The following TBC1D1 variants were observed in gnomAD, a reference collection of about 807,000 sequenced individuals.
The protein encoded by TBC1D1 is TBC1 (tre-2/USP6, BUB2, cdc16) domain family, member 1.
Under a neutral mutation model 125.6 loss-of-function variants are expected in TBC1D1, and 89 were observed. The observed-to-expected ratio is 0.71, with a 90% CI of 0.60 to 0.85. The LOEUF is 0.85. TBC1D1 is among the 40% of genes least tolerant of loss of function. TBC1D1 has a pLI of 0.00. For synonymous variants in TBC1D1, 565 were observed against 564.1 expected (o/e 1.00, Z -0.02); for missense variants, 1,377 against 1,469.2 (o/e 0.94, Z 1.03).
intron 2 of TBC1D1, among the ~76,000 whole-genome samples, chr4:37,942,437 C>G (rs1186437296): frequency 6.6e-6 from 1 of 152,056 alleles, no homozygotes; most frequent in Non-Finnish European, 1.5e-5. Flanking sequence ...TAAGATGGGT[C>G]TCCCGAGTAC....
chr4:38,026,633 C>T (rs1452696581), intron 6 of TBC1D1, among the ~76,000 whole-genome samples: 2 of 152,202 alleles, frequency 1.3e-5, no homozygotes, highest in African/African-American at 4.8e-5. Flanking sequence ...AAAAATAACC[C>T]ATGCTTTTTT....
At chr4:37,912,868 C>T (rs1483907633) in intron 2 of TBC1D1, among the ~76,000 whole-genome samples, 1 of 152,132 alleles carries the variant, frequency 6.6e-6, no homozygotes, top group East Asian at 1.9e-4. Flanking sequence ...TTATAAATTA[C>T]CCAGTCTCAG....
chr4:38,069,976 C>T (rs572295416), intron 12 of TBC1D1, among the ~76,000 whole-genome samples: 7 of 152,254 alleles, frequency 4.6e-5, no homozygotes, highest in African/African-American at 9.6e-5. Flanking sequence ...AAAGATTGGC[C>T]ACCCCTGTCC....
intron 2 of TBC1D1, among the ~76,000 whole-genome samples, chr4:37,992,729 G>A (rs866658172): frequency 3.3e-5 from 5 of 151,520 alleles, no homozygotes; most frequent in Admixed American, 1.3e-4. Context: ...TCCTGACCTC[G>A]TGATCTGCCC....
intron 12 of TBC1D1, among the ~76,000 whole-genome samples, chr4:38,082,692 C>CA (rs1418432408): frequency 6.6e-6 from 1 of 152,226 alleles, no homozygotes; most frequent in Non-Finnish European, 1.5e-5. Flanking sequence ...AGCCGCCCAT[C>CA]ACTGGGGCTG....
chr4:38,080,073 T>C (rs1187335926), intron 12 of TBC1D1, among the ~76,000 whole-genome samples: 1 of 152,172 alleles, frequency 6.6e-6, no homozygotes, highest in Non-Finnish European at 1.5e-5. Context: ...TCCCAGGTGG[T>C]GTTGAGGCTG....
At position 38,089,986 on chromosome 4, in the gene TBC1D1, A is replaced by C; in HGVS notation, c.2105A>C (p.Glu702Ala). 6.2e-7 allele frequency: 1 copy of C among 1,613,870 alleles called. No individual in the cohort carries two copies. The highest frequency in any genetic ancestry group is 1.1e-5 in the South Asian group (1 of 91,040). ...CGATCTCCTTTAGAACCAGTTTGTGAAGATGGGCCCTTTGGCCCCCCACCA... is the reference window on the plus strand; with the variant it reads ...CGATCTCCTTTAGAACCAGTTTGTGCAGATGGGCCCTTTGGCCCCCCACCA... Residue 702 changes from glutamate to alanine, a missense_variant, in exon 13 of 20, where the codon GAA becomes GCA. Glu to Ala is a moderately radical substitution (Grantham distance 107, BLOSUM62 -1). Transcript: ENST00000261439.
intron 1 of TBC1D1, among the ~76,000 whole-genome samples, 161 bp from the exon 2 acceptor site, chr4:37,901,842 A>C (rs1002502068): frequency 2.0e-5 from 3 of 152,092 alleles, no homozygotes; most frequent in Admixed American, 6.5e-5. Context: ...TTTTATATGG[A>C]ATACAATTTT....
intron 2 of TBC1D1, chr4:37,961,155 T>A (rs2152332244): frequency 8.7e-7 from 1 of 1,143,608 alleles, no homozygotes. Flanking sequence ...TTTATGTGCA[T>A]CTGTCTCAGC....
In TBC1D1 at chr4:37,939,465, T is replaced by C. The variant is rs1314504686; in HGVS notation, c.417+36953T>C. ...AGATTGCAAAAACTTTCTCCCATTC[T>C]GTAGGTTGCCTGTTTACTCTGATGG... On this transcript the variant is annotated intron_variant, in intron 2 of 19. Coordinates refer to ENST00000261439, the MANE Select transcript of TBC1D1 (RefSeq NM_015173.4). 5.3e-5 allele frequency among the ~76,000 whole-genome samples: 8 copies of C among 152,248 alleles called. No homozygotes were observed. In the East Asian group the frequency reaches 1.5e-3, roughly 29 times the overall value.
chr4:37,914,315 C>T (rs954242286), intron 2 of TBC1D1, among the ~76,000 whole-genome samples: 15 of 152,192 alleles, frequency 9.9e-5, no homozygotes, highest in African/African-American at 2.9e-4. Flanking sequence ...AAAGTAGAAC[C>T]CTTGATTCCA....
At chr4:37,969,548 G>T (rs893114581) in intron 2 of TBC1D1, among the ~76,000 whole-genome samples, 4 of 152,164 alleles carry the variant, frequency 2.6e-5, no homozygotes, top group African/African-American at 9.7e-5. Flanking sequence ...GTTTCACCAC[G>T]TTGGCCAGGC....
intron 2 of TBC1D1, among the ~76,000 whole-genome samples, chr4:37,990,164 G>A (rs1255162170): frequency 6.6e-6 from 1 of 152,194 alleles, no homozygotes; most frequent in African/African-American, 2.4e-5. Flanking sequence ...TATTGTGACA[G>A]TCTCTATTGT....
chr4:38,050,166 C>T (rs1350949368), intron 11 of TBC1D1, among the ~76,000 whole-genome samples: 2 of 152,120 alleles, frequency 1.3e-5, no homozygotes, highest in Admixed American at 6.5e-5. Context: ...AAGTAAGAGA[C>T]GTTGTTGACT....
At chr4:37,957,939 G>A (rs541441931) in intron 2 of TBC1D1, among the ~76,000 whole-genome samples, 1 of 152,178 alleles carries the variant, frequency 6.6e-6, no homozygotes, top group South Asian at 2.1e-4. Context: ...TAAAATACCA[G>A]ATAAAATTAT....
intron 12 of TBC1D1, among the ~76,000 whole-genome samples, chr4:38,069,125 GA>G (rs1439018965): frequency 6.6e-6 from 1 of 152,214 alleles, no homozygotes; most frequent in East Asian, 1.9e-4. Context: ...AGAAGAAATA[GA>G]GGCTTTAGGG....
intron 2 of TBC1D1, among the ~76,000 whole-genome samples, chr4:37,966,776 C>T (rs2381132): frequency 6.6e-6 from 1 of 152,062 alleles, no homozygotes; most frequent in Admixed American, 6.5e-5. Flanking sequence ...CCCCTACCCC[C>T]CAACAGGCCC....
chr4:38,122,350 G>A (rs1369931149), intron 17 of TBC1D1, among the ~76,000 whole-genome samples: 1 of 152,166 alleles, frequency 6.6e-6, no homozygotes, highest in Non-Finnish European at 1.5e-5. Context: ...GCTTGGCTGG[G>A]GCAGAGGCCC....
At chr4:37,945,856 A>T (rs1260226073) in intron 2 of TBC1D1, among the ~76,000 whole-genome samples, 1 of 152,202 alleles carries the variant, frequency 6.6e-6, no homozygotes, top group Non-Finnish European at 1.5e-5. Context: ...GGTTAATTTT[A>T]AAAATGTGAG....
Sources: gnomAD v4.1 joint callset for allele counts (sites outside exome capture counted in the v4.1 genomes callset) on GRCh38, gnomAD v4.1.1 for gene constraint, MANE v1.5 for transcripts, NCBI Gene and HGNC (gene_info 2026-07-23, HGNC 2026-07-21) for gene names.